Variants in RBFOX1 observed in about 807,000 individuals in gnomAD.
The protein encoded by RBFOX1 is RNA binding protein fox-1 homolog 1.
A neutral mutation model predicts 57.7 loss-of-function variants in RBFOX1; 8 were observed. The ratio of observed to expected loss-of-function variants is 0.14; its 90% CI spans 0.08 to 0.25. The LOEUF is 0.25. RBFOX1 is among the 10% of genes least tolerant of loss of function. RBFOX1 has a pLI of 1.00. For missense variants in RBFOX1, 611 were observed against 548.5 expected, an observed-to-expected ratio of 1.11 and a Z score of -1.14; for synonymous variants, 326 against 222.4, an observed-to-expected ratio of 1.47 and a Z score of -4.15.
chr16:5,389,295 C>T (rs2066339894), intron 1 of RBFOX1, among the ~76,000 whole-genome samples: 1 of 152,230 alleles, frequency 6.6e-6, no homozygotes, highest in African/African-American at 2.4e-5. Context: ...CTCAGCTTCT[C>T]TTCCTCCAAT....
chr16:6,748,326 C>T (rs997432915), intron 3 of RBFOX1, among the ~76,000 whole-genome samples: 1 of 152,024 alleles, frequency 6.6e-6, no homozygotes, highest in Non-Finnish European at 1.5e-5. Context: ...TATACGTACA[C>T]ATACACATAT....
chr16:5,807,831 G>A (rs998915483), intron 3 of RBFOX1, among the ~76,000 whole-genome samples: 5 of 152,178 alleles, frequency 3.3e-5, no homozygotes, highest in African/African-American at 1.2e-4. Flanking sequence ...CAGCTCCCAG[G>A]TGATGCCCAC....
intron 3 of RBFOX1, among the ~76,000 whole-genome samples, chr16:6,678,870 A>G (rs985303156): frequency 3.9e-5 from 6 of 152,072 alleles, no homozygotes; most frequent in African/African-American, 9.7e-5. Context: ...GGTTTATCGC[A>G]TTGTTTCCAA....
At chr16:7,596,173 T>G (rs1170462809) in intron 8 of RBFOX1, among the ~76,000 whole-genome samples, 2 of 125,680 alleles carry the variant, frequency 1.6e-5, no homozygotes, top group Admixed American at 8.0e-5. Context: ...AAACCTCTCG[T>G]TTTTTTTTTT....
rs1002030603 is a variant in RBFOX1 at position 6,987,502 on chromosome 16, C to G, written c.-15-64555C>G. 6.3e-5 allele frequency among the ~76,000 whole-genome samples: 9 copies of G among 143,996 alleles called. 1 individual carries two copies. In the Middle Eastern group the frequency reaches 0.014, roughly 221 times the overall value. 94.5% of individuals were successfully genotyped at this position (143,996 alleles called of 152,430 possible). A position where few individuals can be genotyped will look rare whatever the true frequency, so the allele number is the denominator to read the frequency against. On this transcript the variant is annotated intron_variant, in intron 3 of 15. Coordinates refer to ENST00000550418, the MANE Select transcript of RBFOX1 (RefSeq NM_018723.4). ...ACACACACACACACACACACACACA[C>G]ACAGAGGCATGCCCCACACATTGCA... is the stretch of plus-strand genomic sequence containing the variant.
At chr16:6,666,960 T>C (rs1362069466) in intron 3 of RBFOX1, among the ~76,000 whole-genome samples, 1 of 152,196 alleles carries the variant, frequency 6.6e-6, no homozygotes, top group East Asian at 1.9e-4. Flanking sequence ...ACAGTTATTT[T>C]TGTAGGCAAG....
chr16:5,422,107 T>G (rs1003427335), intron 1 of RBFOX1, among the ~76,000 whole-genome samples: 4 of 152,128 alleles, frequency 2.6e-5, no homozygotes, highest in Non-Finnish European at 4.4e-5. Context: ...ATCTAGCCCA[T>G]GCGAATAAAA....
intron 3 of RBFOX1, among the ~76,000 whole-genome samples, chr16:5,617,693 G>A (rs1240753120): frequency 6.6e-6 from 1 of 152,210 alleles, no homozygotes; most frequent in Non-Finnish European, 1.5e-5. Context: ...GAAAGCTAGT[G>A]TTTTTTCTGT....
rs572685369 is a variant in RBFOX1, at chr16:6,842,000, G to C, written c.-16+187350G>C. 2.5e-3 allele frequency among the ~76,000 whole-genome samples: 381 copies of C among 151,674 alleles called. 2 individuals are homozygous for C. The highest frequency in any genetic ancestry group is 8.8e-3 in the African/African-American group (363 of 41,356). On this transcript the variant is annotated intron_variant, in intron 3 of 15. Transcript: ENST00000550418. ...AAAAAAAAAATACAAAAAATTAGCC[G>C]GGCGTGGTGGCGGGCGCCTGTAGTC...
At chr16:7,489,822 A>T (rs192980584) in intron 4 of RBFOX1, among the ~76,000 whole-genome samples, 2 of 152,002 alleles carry the variant, frequency 1.3e-5, no homozygotes, top group African/African-American at 4.8e-5. Context: ...CGCCCAGCTA[A>T]GTTATGCATA....
intron 1 of RBFOX1, among the ~76,000 whole-genome samples, chr16:5,459,526 T>C (rs1312359831): frequency 6.6e-6 from 1 of 152,162 alleles, no homozygotes; most frequent in Non-Finnish European, 1.5e-5. Flanking sequence ...TAAATGGATG[T>C]CTCAAGGCCA....
chr16:5,839,254 T>C (rs899464805), intron 3 of RBFOX1, among the ~76,000 whole-genome samples: 1 of 152,186 alleles, frequency 6.6e-6, no homozygotes, highest in Non-Finnish European at 1.5e-5. Context: ...TCAATACTTA[T>C]GAGGGAAGAA....
intron 1 of RBFOX1, among the ~76,000 whole-genome samples, chr16:6,115,259 G>C (rs964369664): frequency 6.6e-6 from 1 of 152,152 alleles, no homozygotes; most frequent in Non-Finnish European, 1.5e-5. Flanking sequence ...AGAAATAGTT[G>C]GCATAATGTG....
chr16:6,034,332 A>AC (rs1491352801), intron 1 of RBFOX1, among the ~76,000 whole-genome samples: 1 of 30,658 alleles, frequency 3.3e-5, no homozygotes, highest in East Asian at 8.9e-4. Context: ...ACTGTTGCGC[A>AC]AAAAAAAAAA....
intron 3 of RBFOX1, among the ~76,000 whole-genome samples, chr16:6,893,575 T>C (rs374130961): frequency 6.6e-6 from 1 of 152,132 alleles, no homozygotes; most frequent in African/African-American, 2.4e-5. Context: ...AAAGTAAATT[T>C]AGACCACAAA....
chr16:7,212,389 A>T (rs1225933045), intron 4 of RBFOX1, among the ~76,000 whole-genome samples: 2 of 152,104 alleles, frequency 1.3e-5, no homozygotes, highest in East Asian at 3.9e-4. Flanking sequence ...TGACTGAGGA[A>T]CACTTGTGTT....
intron 4 of RBFOX1, among the ~76,000 whole-genome samples, chr16:7,448,102 T>G (rs2150110740): frequency 6.6e-6 from 1 of 152,344 alleles, no homozygotes; most frequent in East Asian, 1.9e-4. Flanking sequence ...ATGCAGCATT[T>G]ACTTGAGACT....
intron 2 of RBFOX1, among the ~76,000 whole-genome samples, chr16:6,539,806 G>GACACACACACAAACACACACACAC (rs2096787116): frequency 1.5e-5 from 2 of 136,234 alleles, no homozygotes; most frequent in East Asian, 5.4e-4. Flanking sequence ...TCAAAACACA[G>GACACACACACAAACACACACACAC]ACACACACAC....
chr16:7,223,876 T>A (rs372283225), intron 4 of RBFOX1, among the ~76,000 whole-genome samples: 1 of 151,872 alleles, frequency 6.6e-6, no homozygotes, highest in Non-Finnish European at 1.5e-5. Flanking sequence ...AAATCTGTTA[T>A]GGCTGGTTGG....
Sources: allele counts gnomAD v4.1 joint callset (sites outside exome capture counted in the v4.1 genomes callset), GRCh38; gene constraint gnomAD v4.1.1; transcripts MANE v1.5; gene names NCBI Gene and HGNC (gene_info 2026-07-23, HGNC 2026-07-21).